The following DMD variants were observed in gnomAD, a reference collection of about 807,000 sequenced individuals.
DMD encodes the protein dystrophin, also known as mutant dystrophin.
DMD carries 63 observed loss-of-function variants against 330.1 expected under a neutral mutation model. The ratio of observed to expected loss-of-function variants is 0.19; its 90% confidence interval spans 0.16 to 0.24. DMD has a LOEUF of 0.24. Ranked by LOEUF, DMD falls within the 10% of genes least tolerant of loss-of-function variation. The pLI is 1.00. For synonymous variants in DMD, 1,223 were observed against 959.8 expected (o/e 1.27, Z -5.07); for missense variants, 3,344 against 2,684.1 (o/e 1.25, Z -5.43).
intron 7 of DMD, among the ~76,000 whole-genome samples, chrX:32,789,825 A>T (rs2075687250): frequency 1.8e-5 from 2 of 112,225 alleles, no homozygotes; most frequent in Non-Finnish European, 3.8e-5. Flanking sequence ...ATTTGAGTTT[A>T]TATCACTGAT....
chrX:31,955,695 A>G (rs948251880), intron 45 of DMD, among the ~76,000 whole-genome samples: 1 of 112,352 alleles, frequency 8.9e-6, no homozygotes, highest in Non-Finnish European at 1.9e-5. Flanking sequence ...TAGCTCTTGT[A>G]ACTTCCAAAT....
At chrX:31,999,606 AG>A (rs1047255222) in intron 44 of DMD, among the ~76,000 whole-genome samples, 1 of 111,786 alleles carries the variant, frequency 8.9e-6, no homozygotes, top group Non-Finnish European at 1.9e-5. Context: ...AGACATGCCT[AG>A]GGACTAATTG....
intron 60 of DMD, among the ~76,000 whole-genome samples, chrX:31,430,736 A>C (rs2063993787): frequency 9.2e-6 from 1 of 108,381 alleles, no homozygotes; most frequent in African/African-American, 3.4e-5. Context: ...TCTGATGGGA[A>C]TGCCAGACCT....
intron 1 of DMD, among the ~76,000 whole-genome samples, chrX:33,227,669 T>C (rs191923675): frequency 1.0e-3 from 111 of 110,728 alleles, no homozygotes; most frequent in Non-Finnish European, 4.7e-4. Flanking sequence ...AGGATTTATG[T>C]AGCAGATGAA....
chrX:31,899,581 A>G (rs766970763), intron 47 of DMD, among the ~76,000 whole-genome samples: 108 of 111,272 alleles, frequency 9.7e-4, no homozygotes, highest in Admixed American at 3.8e-4. Flanking sequence ...TCAAATCTGG[A>G]TTTGTTGTCT....
At chrX:33,335,461 A>G (rs2054238455) in intron 1 of DMD, among the ~76,000 whole-genome samples, 1 of 110,968 alleles carries the variant, frequency 9.0e-6, no homozygotes, top group South Asian at 3.8e-4. Context: ...AATTATTACT[A>G]AGCTTTAACT....
chrX:32,840,887 G>A (rs1196144955), intron 4 of DMD, among the ~76,000 whole-genome samples: 1 of 111,673 alleles, frequency 9.0e-6, no homozygotes, highest in Non-Finnish European at 1.9e-5. Context: ...TTGGCAAACT[G>A]GGAAATGTAT....
intron 1 of DMD, among the ~76,000 whole-genome samples, chrX:33,235,536 T>C (rs915557758): frequency 8.9e-6 from 1 of 112,230 alleles, no homozygotes; most frequent in African/African-American, 3.2e-5. Context: ...ACAACAATGG[T>C]CTATCTTGCA....
chrX:31,982,682 A>AT (rs1447316130), intron 44 of DMD, among the ~76,000 whole-genome samples: 10 of 110,282 alleles, frequency 9.1e-5, no homozygotes, highest in Admixed American at 5.8e-4. Context: ...TTTTTTCTGG[A>AT]TTTTTTTATT....
At chrX:32,032,518 A>G (rs1464510880) in intron 44 of DMD, among the ~76,000 whole-genome samples, 1 of 111,946 alleles carries the variant, frequency 8.9e-6, no homozygotes, top group African/African-American at 3.2e-5. Flanking sequence ...AGTAACAGAA[A>G]TGGGAAAAGA....
chrX:32,452,288 GAAAGGA>G lies in DMD; in HGVS notation c.3603+2368_3603+2373del, dbSNP rs1190427726. 5.5e-4 allele frequency among the ~76,000 whole-genome samples: 24 copies of G among 43,269 alleles called. 4 individuals carry two copies. Among genetic ancestry groups the G allele is most frequent in the African/African-American group, 1.7e-3 (24 of 14,151 alleles). The allele number at this position is 43,269 out of a possible 115,157, so 37.6% of individuals were successfully genotyped here. ...GAGTGACACACAATGGAAAAGAAAG[GAAAGGA>G]AAAGGAAAGGGAAAGTGAAAGTGAA... On this transcript the variant is annotated intron_variant, in intron 26 of 78. Transcript: ENST00000357033.
chrX:32,448,546 T>C lies in DMD; in HGVS notation c.3696A>G (p.Ala1232=), dbSNP rs369971712. The C allele has an allele frequency of 4.1e-6, 5 of 1,207,092 alleles. No individual in the cohort carries two copies. Among genetic ancestry groups the C allele is most frequent in the Non-Finnish European group, 4.5e-6 (4 of 893,025 alleles). ...NSVIAQAPPV[A]QEALKKELET... ...CAAGTTCCTTTTTTAAGGCCTCTTG[T>C]GCTACAGGTGGAGCTTGAGCTATGA... Residue 1232 remains alanine, a synonymous_variant, in exon 27 of 79, where the codon GCA becomes GCG. Transcript: ENST00000357033.
chrX:32,879,598 C>A (rs1033522938), intron 2 of DMD, among the ~76,000 whole-genome samples: 40 of 112,111 alleles, frequency 3.6e-4, no homozygotes, highest in Non-Finnish European at 1.1e-4. Context: ...ATTTTAATTT[C>A]CAATAAACAT....
chrX:31,972,739 G>C (rs2054234), intron 44 of DMD, among the ~76,000 whole-genome samples: 26,117 of 110,974 alleles, frequency 0.24, 2,792 homozygotes, highest in African/African-American at 0.42. Flanking sequence ...ATTATTTTGA[G>C]ACAGGTAAAT....
intron 59 of DMD, among the ~76,000 whole-genome samples, chrX:31,453,765 C>CAAAAAAAAAAAAGAAA (rs2065935633): frequency 1.1e-4 from 1 of 8,981 alleles, no homozygotes; most frequent in Non-Finnish European, 1.7e-4. Context: ...AAAAAACAAG[C>CAAAAAAAAAAAAGAAA]AAAAAAAAAA....
chrX:32,131,368 T>G (rs1343668333), intron 44 of DMD, among the ~76,000 whole-genome samples: 1 of 111,852 alleles, frequency 8.9e-6, no homozygotes, highest in Non-Finnish European at 1.9e-5. Flanking sequence ...AAACAGCTCT[T>G]TGAAACAGGT....
intron 12 of DMD, among the ~76,000 whole-genome samples, chrX:32,604,483 A>C (rs890271658): frequency 3.6e-5 from 4 of 110,014 alleles, no homozygotes; most frequent in African/African-American, 9.9e-5. Flanking sequence ...CCCTCCCCCA[A>C]GAACTACAAC....
chrX:31,449,775 T>TAGATAGATAG (rs1344591973), intron 59 of DMD, among the ~76,000 whole-genome samples: 16 of 88,028 alleles, frequency 1.8e-4, no homozygotes, highest in African/African-American at 6.1e-4. Flanking sequence ...TATATATATA[T>TAGATAGATAG]ATATATATAT....
At position 32,132,554 on chromosome X, in the gene DMD, C is replaced by T. The variant is rs555406263; in HGVS notation, c.6438+84362G>A. On this transcript the variant is annotated intron_variant, in intron 44 of 78. Transcript: ENST00000357033. The stretch of plus-strand genomic sequence containing the variant: ...ACTTAGGGTTCTTTTCGAGATACTA[C>T]GTTAACTACATTTCATTGTTGGAGG... Among the ~76,000 whole-genome samples the T allele has an allele frequency of 7.2e-5, 8 of 111,374 alleles. No homozygotes were observed. The South Asian group carries it at 2.3e-3, about 32-fold the overall frequency.
Sources: allele counts gnomAD v4.1 joint callset (sites outside exome capture counted in the v4.1 genomes callset), GRCh38; gene constraint gnomAD v4.1.1; transcripts MANE v1.5; gene names NCBI Gene and HGNC (gene_info 2026-07-23, HGNC 2026-07-21).